Variants in GIPC2 observed in about 807,000 individuals in gnomAD.
GIPC2 encodes the protein PDZ domain-containing protein GIPC2.
A neutral mutation model predicts 30.6 loss-of-function variants in GIPC2; 30 were observed. The ratio of observed to expected loss-of-function variants is 0.98; its 90% CI spans 0.73 to 1.33. GIPC2 has a LOEUF of 1.33. GIPC2 is among the 40% of genes most tolerant of loss of function. The pLI, the probability that GIPC2 is intolerant of heterozygous loss-of-function variation, is 0.00. For missense variants in GIPC2, 414 were observed against 390.3 expected (o/e 1.06, Z -0.51); for synonymous variants, 167 against 150.0 (o/e 1.11, Z -0.83).
chr1:78,114,121 C>T (rs575949145), intron 3 of GIPC2, among the ~76,000 whole-genome samples: 9 of 152,304 alleles, frequency 5.9e-5, no homozygotes, highest in African/African-American at 1.9e-4. Context: ...TTCCTGTGCC[C>T]TAAGTGACGT....
chr1:78,122,573 G>A (rs1178723337), intron 4 of GIPC2, among the ~76,000 whole-genome samples: 1 of 152,128 alleles, frequency 6.6e-6, no homozygotes, highest in Non-Finnish European at 1.5e-5. Flanking sequence ...TGTCGCTTTT[G>A]AAACCATGAG....
chr1:78,109,683 AC>A (rs1286400300), intron 3 of GIPC2, among the ~76,000 whole-genome samples: 2 of 152,188 alleles, frequency 1.3e-5, no homozygotes, highest in African/African-American at 4.8e-5. Flanking sequence ...CCTTTGACTT[AC>A]CCCAAATAAT....
chr1:78,046,214 C>T lies in GIPC2; in HGVS notation c.120C>T (p.Arg40=), dbSNP rs201220553. 1.1e-4 allele frequency: 176 copies of T among 1,597,922 alleles called. No individual in the cohort carries two copies. The highest frequency in any genetic ancestry group is 1.7e-4 in the Middle Eastern group (1 of 5,872). ...GSLSASRAPA[R]RLVFHAQLAH... is the part of the protein sequence containing the mutation. ...TCTCAGCGTCCCGGGCTCCCGCACG[C>T]AGGCTGGTCTTCCACGCGCAGCTGG... The change falls in exon 1 of 6, where the codon CGC becomes CGT. Residue 40 remains arginine (R), a synonymous_variant. Coordinates refer to ENST00000370759, the MANE Select transcript of GIPC2 (RefSeq NM_017655.6).
rs954651689 is a variant in GIPC2 at position 78,085,896 on chromosome 1, TG to T, written c.426+5037del. Among the ~76,000 whole-genome samples the T allele has an allele frequency of 3.4e-4, 41 of 121,544 alleles. 2 individuals carry two copies. The South Asian group carries it at 7.8e-3, about 23-fold the overall frequency. The allele number at this position is 121,544 out of a possible 152,430, so 79.7% of individuals were successfully genotyped here. A position where few individuals can be genotyped will look rare whatever the true frequency, so the allele number is the denominator to read the frequency against. ...CTCCTGGATCTATTGATCTTTTGAATGTTTTTTTTTTTTTTTGTCTTGTTCA... is the reference window on the plus strand; with the variant it reads ...CTCCTGGATCTATTGATCTTTTGAATTTTTTTTTTTTTTTTGTCTTGTTCA... On this transcript the variant is annotated intron_variant, in intron 2 of 5. Coordinates refer to ENST00000370759, the MANE Select transcript of GIPC2 (RefSeq NM_017655.6).
upstream of GIPC2, chr1:78,045,666 T>G: frequency 1.0e-6 from 1 of 985,422 alleles, no homozygotes. Flanking sequence ...TCCCCGAAAG[T>G]CCAGACGTAC....
upstream of GIPC2, among the ~76,000 whole-genome samples, chr1:78,045,306 T>G (rs1661047808): frequency 6.6e-6 from 1 of 152,160 alleles, no homozygotes; most frequent in Admixed American, 6.5e-5. Flanking sequence ...TGGAGGGGAC[T>G]GGACTTGAAA....
At chr1:78,084,901 C>T (rs917679788) in intron 2 of GIPC2, among the ~76,000 whole-genome samples, 3 of 152,072 alleles carry the variant, frequency 2.0e-5, no homozygotes, top group Non-Finnish European at 4.4e-5. Flanking sequence ...AGTTTGACTT[C>T]CTCTTTCCCT....
chr1:78,101,845 C>G (rs1662256173), intron 3 of GIPC2, among the ~76,000 whole-genome samples: 1 of 152,148 alleles, frequency 6.6e-6, no homozygotes, highest in South Asian at 2.1e-4. Context: ...GCCCTGTAAA[C>G]CTAGATTTTC....
chr1:78,134,510 A>G (rs889628496), intron 5 of GIPC2, among the ~76,000 whole-genome samples: 4 of 152,014 alleles, frequency 2.6e-5, no homozygotes, highest in Admixed American at 6.6e-5. Context: ...CTGGCCATAT[A>G]GAAGCCCTCC....
intron 3 of GIPC2, among the ~76,000 whole-genome samples, chr1:78,111,733 G>A (rs1255425674): frequency 1.3e-5 from 2 of 152,188 alleles, no homozygotes; most frequent in African/African-American, 4.8e-5. Context: ...AATGGGCAAA[G>A]CATCTTTCAT....
chr1:78,080,354 A>G (rs1400706405), intron 1 of GIPC2, among the ~76,000 whole-genome samples: 1 of 152,156 alleles, frequency 6.6e-6, no homozygotes. Context: ...ACTTATTTTT[A>G]CCAGGCTTCA....
intron 1 of GIPC2, among the ~76,000 whole-genome samples, chr1:78,080,060 G>C (rs923947527): frequency 2.6e-5 from 4 of 151,598 alleles, no homozygotes; most frequent in African/African-American, 9.7e-5. Context: ...AAAACATACT[G>C]ATTTTAACAC....
chr1:78,093,042 T>G (rs568260384), intron 2 of GIPC2, among the ~76,000 whole-genome samples: 1 of 152,274 alleles, frequency 6.6e-6, no homozygotes, highest in South Asian at 2.1e-4. Flanking sequence ...ACTCTAAATC[T>G]TAAGCTAAAA....
intron 3 of GIPC2, among the ~76,000 whole-genome samples, chr1:78,118,081 C>T (rs1283407345): frequency 6.6e-6 from 1 of 151,564 alleles, no homozygotes; most frequent in African/African-American, 2.4e-5. Flanking sequence ...TGCCACCATG[C>T]CTGGTTAATT....
chr1:78,084,126 C>T (rs1010203736), intron 2 of GIPC2, among the ~76,000 whole-genome samples: 1 of 152,110 alleles, frequency 6.6e-6, no homozygotes, highest in Non-Finnish European at 1.5e-5. Flanking sequence ...ACATTGAAGT[C>T]AAGTTCTGGT....
chr1:78,058,600 A>T (rs1001805937), intron 1 of GIPC2, among the ~76,000 whole-genome samples: 1 of 152,200 alleles, frequency 6.6e-6, no homozygotes, highest in Admixed American at 6.5e-5. Flanking sequence ...TCCAAGCAAC[A>T]TGAATCCCTT....
intron 3 of GIPC2, among the ~76,000 whole-genome samples, chr1:78,097,385 T>C (rs1006763634): frequency 1.3e-5 from 2 of 152,210 alleles, no homozygotes; most frequent in African/African-American, 4.8e-5. Flanking sequence ...AAGTCACTTA[T>C]AGGATTTTAA....
intron 1 of GIPC2, among the ~76,000 whole-genome samples, chr1:78,047,254 A>G (rs1046548152): frequency 1.3e-5 from 2 of 152,234 alleles, no homozygotes; most frequent in African/African-American, 4.8e-5. Context: ...TAGGAAAAGC[A>G]TATAATTTTG....
At chr1:78,095,483 A>G (rs1662121327) in intron 3 of GIPC2, among the ~76,000 whole-genome samples, 1 of 152,230 alleles carries the variant, frequency 6.6e-6, no homozygotes, top group Non-Finnish European at 1.5e-5. Flanking sequence ...CTTTTAAACC[A>G]TAATAACTGT....
Sources: gnomAD v4.1 joint callset for allele counts (sites outside exome capture counted in the v4.1 genomes callset) on GRCh38, gnomAD v4.1.1 for gene constraint, MANE v1.5 for transcripts, NCBI Gene and HGNC (gene_info 2026-07-23, HGNC 2026-07-21) for gene names.